The following PTPRK variants were observed in gnomAD, a reference collection of about 807,000 sequenced individuals.
The protein encoded by PTPRK is protein tyrosine phosphatase receptor type K, also known as receptor-type tyrosine-protein phosphatase kappa.
A neutral mutation model predicts 178.0 loss-of-function variants in PTPRK; 75 were observed. The ratio of observed to expected loss-of-function variants is 0.42; its 90% CI spans 0.35 to 0.51. The LOEUF (loss-of-function observed/expected upper bound fraction) is 0.51, where lower values mean the gene tolerates loss of function less well. Among genes scored for constraint, PTPRK ranks in the 20% least tolerant of loss-of-function variants. The pLI is 0.02. For missense variants in PTPRK, 1,441 were observed against 1,797.8 expected (o/e 0.80, Z 3.59); for synonymous variants, 637 against 620.6 (o/e 1.03, Z -0.39).
intron 1 of PTPRK, among the ~76,000 whole-genome samples, chr6:128,409,004 C>G (rs1841997018): frequency 6.6e-6 from 1 of 152,084 alleles, no homozygotes; most frequent in Admixed American, 6.6e-5. Flanking sequence ...AAATATGTTA[C>G]AGAGGTAAAG....
At chr6:128,494,033 T>C (rs1281821974) in intron 1 of PTPRK, among the ~76,000 whole-genome samples, 1 of 152,088 alleles carries the variant, frequency 6.6e-6, no homozygotes, top group Non-Finnish European at 1.5e-5. Flanking sequence ...TAACGTTAAA[T>C]ATAGACAAAC....
intron 3 of PTPRK, among the ~76,000 whole-genome samples, chr6:128,296,760 C>G (rs191262745): frequency 5.3e-5 from 8 of 152,312 alleles, no homozygotes; most frequent in Admixed American, 1.3e-4. Flanking sequence ...GTACCAGCCA[C>G]TGCAAAATCA....
chr6:128,223,093 A>C (rs1056485501), intron 5 of PTPRK, among the ~76,000 whole-genome samples: 1 of 152,080 alleles, frequency 6.6e-6, no homozygotes, highest in Non-Finnish European at 1.5e-5. Flanking sequence ...TATATTTATC[A>C]ATGTCTTTTC....
chr6:128,429,390 C>A (rs987920034), intron 1 of PTPRK, among the ~76,000 whole-genome samples: 4 of 152,210 alleles, frequency 2.6e-5, no homozygotes, highest in Admixed American at 2.6e-4. Flanking sequence ...AAGCTATCAT[C>A]CACCAGGTGA....
At chr6:128,435,257 C>T (rs1297298165) in intron 1 of PTPRK, among the ~76,000 whole-genome samples, 1 of 152,102 alleles carries the variant, frequency 6.6e-6, no homozygotes, top group Admixed American at 6.6e-5. Context: ...GATATGCTCC[C>T]AAATAGGTTC....
chr6:128,480,996 C>T (rs576222265), intron 1 of PTPRK, among the ~76,000 whole-genome samples: 6 of 152,184 alleles, frequency 3.9e-5, no homozygotes, highest in South Asian at 2.1e-4. Context: ...AACATATCTC[C>T]GCTACTAGAT....
chr6:128,143,705 C>T (rs1399188231), intron 7 of PTPRK, among the ~76,000 whole-genome samples: 1 of 152,120 alleles, frequency 6.6e-6, no homozygotes, highest in Admixed American at 6.6e-5. Flanking sequence ...ATCCCCTGTC[C>T]TCACTTCACT....
At chr6:128,267,451 C>T (rs1051769018) in intron 3 of PTPRK, among the ~76,000 whole-genome samples, 10 of 152,064 alleles carry the variant, frequency 6.6e-5, no homozygotes, top group African/African-American at 1.9e-4. Context: ...AGAATAAAAA[C>T]ACTTTATAAG....
intron 7 of PTPRK, among the ~76,000 whole-genome samples, chr6:128,130,410 A>G (rs1794041250): frequency 6.6e-6 from 1 of 152,206 alleles, no homozygotes; most frequent in African/African-American, 2.4e-5. Context: ...TGTCTCATTC[A>G]GTGAATGGTC....
Position 128,124,042 on chromosome 6 carries a change from G to GT in PTPRK, c.1163-34051dup, listed in dbSNP as rs113506773. ...CCAAATAATCCCTTCATTAAAACTT[G>GT]TTTTTTTTTTTTTTTCCTTGAGACA... On this transcript the variant is annotated intron_variant, in intron 7 of 29. Transcript: ENST00000368226. Among the ~76,000 whole-genome samples the GT allele has an allele frequency of 9.9e-3, 1,354 of 136,632 alleles. 20 individuals are homozygous for GT. Among genetic ancestry groups the GT allele is most frequent in the African/African-American group, 0.024 (890 of 37,294 alleles). The allele number at this position is 136,632 out of a possible 152,430, so 89.6% of individuals were successfully genotyped here. A position where few individuals can be genotyped will look rare whatever the true frequency, so the allele number is the denominator to read the frequency against.
chr6:128,282,179 A>T (rs1821785082), intron 3 of PTPRK, among the ~76,000 whole-genome samples: 1 of 152,180 alleles, frequency 6.6e-6, no homozygotes, highest in Non-Finnish European at 1.5e-5. Context: ...TCCCTAAAGG[A>T]GACAACTCTT....
chr6:128,494,739 G>T (rs1390239958), intron 1 of PTPRK, among the ~76,000 whole-genome samples: 1 of 152,162 alleles, frequency 6.6e-6, no homozygotes, highest in Non-Finnish European at 1.5e-5. Flanking sequence ...TGCCCATGAT[G>T]TTTTTTCTAG....
chr6:128,108,196 T>TA (rs1271019659), intron 7 of PTPRK, among the ~76,000 whole-genome samples: 4 of 152,036 alleles, frequency 2.6e-5, no homozygotes, highest in Non-Finnish European at 5.9e-5. Context: ...ATTGACTTTT[T>TA]AAAAATCGTA....
chr6:128,089,269 GTGT>G (rs1414546992), intron 8 of PTPRK, among the ~76,000 whole-genome samples: 3 of 152,088 alleles, frequency 2.0e-5, no homozygotes, highest in African/African-American at 7.2e-5. Flanking sequence ...CGGCCCAACA[GTGT>G]TGTTTTCAAA....
Position 128,184,792 on chromosome 6 carries a change from A to C in PTPRK, c.869-67T>G, listed in dbSNP as rs1030848514. 2.8e-6 allele frequency: 4 copies of C among 1,442,178 alleles called. No homozygotes were observed. The African/African-American group carries it at 5.7e-5, about 21-fold the overall frequency. The allele number at this position is 1,442,178 out of a possible 1,614,324, so 89.3% of individuals were successfully genotyped here. ...ATAATACAAAGATATATTAGTGTCT[A>C]ATAAGGCCTAAATGCTTAATGGATC... On this transcript the variant is annotated intron_variant, in intron 6 of 29. Coordinates refer to ENST00000368226, the MANE Select transcript of PTPRK (RefSeq NM_002844.4).
intron 13 of PTPRK, among the ~76,000 whole-genome samples, chr6:128,034,493 AG>A (rs1288163282): frequency 6.6e-6 from 1 of 152,218 alleles, no homozygotes; most frequent in Non-Finnish European, 1.5e-5. Flanking sequence ...TCATGCAGTC[AG>A]TACAAAATTA....
intron 7 of PTPRK, among the ~76,000 whole-genome samples, chr6:128,109,361 C>T (rs7746783): frequency 0.093 from 14,199 of 152,024 alleles, 1,153 homozygotes; most frequent in African/African-American, 0.21. Flanking sequence ...GTCTTATCTA[C>T]CTTATTTTTA....
intron 2 of PTPRK, among the ~76,000 whole-genome samples, chr6:128,356,755 T>G (rs779491845): frequency 6.6e-6 from 1 of 152,226 alleles, no homozygotes; most frequent in African/African-American, 2.4e-5. Context: ...TAAATTTACA[T>G]TTCTACTTCA....
chr6:128,404,509 A>C (rs765500506), intron 1 of PTPRK, among the ~76,000 whole-genome samples: 1 of 152,230 alleles, frequency 6.6e-6, no homozygotes, highest in Non-Finnish European at 1.5e-5. Context: ...AAAGGTCATC[A>C]GTTCTTTGTT....
Sources: allele counts gnomAD v4.1 joint callset (sites outside exome capture counted in the v4.1 genomes callset), GRCh38; gene constraint gnomAD v4.1.1; transcripts MANE v1.5; gene names NCBI Gene and HGNC (gene_info 2026-07-23, HGNC 2026-07-21).